The following LAP3 variants were observed in gnomAD, a reference collection of about 807,000 sequenced individuals.
The protein encoded by LAP3 is cytosol aminopeptidase.
A neutral mutation model predicts 58.8 loss-of-function variants in LAP3; 46 were observed. The observed-to-expected ratio is 0.78, with a 90% CI of 0.62 to 1.00. The LOEUF is 1.00. Ranked by LOEUF, LAP3 falls within the 50% of genes least tolerant of loss-of-function variation. The pLI, the probability that LAP3 is intolerant of heterozygous loss-of-function variation, is 0.00. For missense variants in LAP3, 615 were observed against 659.1 expected (o/e 0.93, Z 0.73); for synonymous variants, 257 against 237.7 (o/e 1.08, Z -0.75).
In LAP3 at chr4:17,580,165, CATATAT is replaced by C. The variant is rs372439585; in HGVS notation, c.218+237_218+242del. The stretch of plus-strand genomic sequence containing the variant: ...GGCATGCCTCACCACTCCCGGCTTT[CATATAT>C]ATATATATATGTATTTTTTTTTTTT... On this transcript the variant is annotated intron_variant, in intron 2 of 12. Transcript: ENST00000226299. Among the ~76,000 whole-genome samples the C allele has an allele frequency of 9.6e-4, 44 of 45,994 alleles. 6 individuals carry two copies. Among genetic ancestry groups the C allele is most frequent in the African/African-American group, 5.6e-3 (44 of 7,832 alleles). 30.2% of individuals were successfully genotyped at this position (45,994 alleles called of 152,430 possible).
At chr4:17,597,182 A>G (rs758584078) in intron 9 of LAP3, 48 bp downstream of exon 9, 3 of 1,497,426 alleles carry the variant, frequency 2.0e-6, no homozygotes, top group African/African-American at 2.8e-5. Context: ...TTCCTCAGGA[A>G]TCCCGTGGTG....
At chr4:17,585,162 C>T (rs758849620) in intron 6 of LAP3, 26 bp downstream of exon 6, 46 of 1,586,552 alleles carry the variant, frequency 2.9e-5, no homozygotes, top group African/African-American at 1.9e-4. Context: ...GTCACAGACT[C>T]GAGATGTTAC....
intron 10 of LAP3, 39 bp downstream of exon 10, chr4:17,598,597 G>C (rs1171672938): frequency 3.5e-6 from 5 of 1,427,226 alleles, no homozygotes; most frequent in South Asian, 1.1e-5. Context: ...TTTGAAGGAA[G>C]TCTTGTTCGT....
intron 3 of LAP3, 152 bp downstream of exon 3, chr4:17,581,966 T>A (rs1008512332): frequency 2.3e-5 from 16 of 692,562 alleles, no homozygotes; most frequent in Non-Finnish European, 3.4e-5. Context: ...AGAGGCGATT[T>A]GCTGTCAAAA....
At chr4:17,577,652 T>G in intron 1 of LAP3, 85 bp downstream of exon 1, 1 of 1,075,350 alleles carries the variant, frequency 9.3e-7, no homozygotes, top group Non-Finnish European at 1.3e-6. Context: ...GAAGCCGCGG[T>G]GTCCTGGGCG....
At chr4:17,603,573 C>T (rs955691045) in intron 10 of LAP3, among the ~76,000 whole-genome samples, 7 of 150,820 alleles carry the variant, frequency 4.6e-5, no homozygotes, top group African/African-American at 9.8e-5. Context: ...GGTGCAATCT[C>T]GGCTCTCACC....
rs1398040586 is a variant in LAP3 at position 17,583,505 on chromosome 4, C to A, written c.402C>A (p.Asp134Glu). ...AAGCGGGGTGCAGGCAGATTCAAGACCTGGAGCTCTCGTCTGTGGAGGTGG... is the reference window on the plus strand; with the variant it reads ...AAGCGGGGTGCAGGCAGATTCAAGAACTGGAGCTCTCGTCTGTGGAGGTGG... ...AVAAGCRQIQ[D>E]LELSSVEVDP... is the part of the protein sequence containing the mutation. Residue 134 changes from aspartate (D) to glutamate (E), a missense_variant, in exon 5 of 13, where the codon GAC becomes GAA. Physicochemically the swap from Asp to Glu is conservative, Grantham distance 45. Transcript: ENST00000226299. 1 of 1,613,986 alleles carries A rather than the reference C, an allele frequency of 6.2e-7. No individual in the cohort carries two copies. The highest frequency in any genetic ancestry group is 8.5e-7 in the Non-Finnish European group (1 of 1,180,024).
At chr4:17,592,291 G>A (rs986388511) in intron 7 of LAP3, among the ~76,000 whole-genome samples, 4 of 152,080 alleles carry the variant, frequency 2.6e-5, no homozygotes, top group Non-Finnish European at 5.9e-5. Context: ...TATTACTGCA[G>A]ATTAGTTTTG....
In LAP3 at chr4:17,604,663, T is replaced by A; in HGVS notation, c.1256T>A (p.Phe419Tyr). The A allele has an allele frequency of 6.2e-7, 1 of 1,605,546 alleles. No individual in the cohort carries two copies. The highest frequency in any genetic ancestry group is 8.5e-7 in the Non-Finnish European group (1 of 1,172,218). Residue 419 changes from phenylalanine (F) to tyrosine (Y), a missense_variant, in exon 11 of 13, where the codon TTC (phenylalanine) becomes TAC (tyrosine). Phe to Tyr is a conservative substitution (Grantham distance 22). Coordinates refer to ENST00000226299, the MANE Select transcript of LAP3 (RefSeq NM_015907.3). ...TNSSWLWNKL[F>Y]EASIETGDRV... ...TCATCCTGGCTCTGGAACAAACTCT[T>A]CGAGGTAGGAATAATATTTGTATAT...
At chr4:17,582,002 A>T (rs775486254) in intron 3 of LAP3, 188 bp downstream of exon 3, 16 of 604,138 alleles carry the variant, frequency 2.6e-5, no homozygotes, top group Non-Finnish European at 4.7e-5. Flanking sequence ...ATATTCCTCA[A>T]TCTGAAGGCT....
intron 1 of LAP3, among the ~76,000 whole-genome samples, chr4:17,577,815 C>T (rs943690189): frequency 6.6e-6 from 1 of 152,366 alleles, no homozygotes; most frequent in East Asian, 1.9e-4. Context: ...TTACCCGGCT[C>T]CACTCGGCCG....
chr4:17,588,055 G>A (rs539648041), intron 6 of LAP3, among the ~76,000 whole-genome samples: 97 of 151,848 alleles, frequency 6.4e-4, no homozygotes, highest in Non-Finnish European at 1.3e-3. Context: ...AAGAGACAGG[G>A]TGTTGCTATG....
In LAP3 at chr4:17,595,488, A is replaced by C. The variant is rs773644273; in HGVS notation, c.942A>C (p.Ser314=). ...ADMGGAATIC[S]AIVSAAKLNL... ...TGGGAGGAGCTGCAACTATATGCTC[A>C]GCCATCGTGTCTGCTGCAAAGCTTA... Residue 314 remains serine (S), a synonymous_variant, in exon 8 of 13, where the codon TCA becomes TCC. Transcript: ENST00000226299. 4 of 1,614,070 alleles carry C rather than the reference A, an allele frequency of 2.5e-6. No homozygotes were observed. The Admixed American group carries it at 6.7e-5, about 27-fold the overall frequency.
chr4:17,590,127 G>A (rs759154318), intron 7 of LAP3, among the ~76,000 whole-genome samples: 11 of 152,124 alleles, frequency 7.2e-5, no homozygotes, highest in Non-Finnish European at 1.3e-4. Flanking sequence ...AAACCCATGA[G>A]GGGTTTCATT....
chr4:17,607,636 G>T lies in LAP3; in HGVS notation c.*47G>T, dbSNP rs368134525. 6.6e-4 allele frequency: 915 copies of T among 1,381,210 alleles called. 7 individuals are homozygous for T. Among genetic ancestry groups the T allele is most frequent in the South Asian group, 1.9e-3 (124 of 64,252 alleles). The allele number at this position is 1,381,210 out of a possible 1,614,324, so 85.6% of individuals were successfully genotyped here. On this transcript the variant is annotated 3_prime_UTR_variant, in exon 13 of 13. Coordinates refer to ENST00000226299, the MANE Select transcript of LAP3 (RefSeq NM_015907.3). ...TCACTCTGTCTTAAATTGGACAGTT[G>T]AACTTAAAAGGTTTTTGAATAAATG...
At chr4:17,579,098 G>A (rs1351840863) in intron 1 of LAP3, among the ~76,000 whole-genome samples, 7 of 152,212 alleles carry the variant, frequency 4.6e-5, no homozygotes, top group Admixed American at 3.3e-4. Flanking sequence ...AAGACCTGAA[G>A]AAGCGTTGGG....
At chr4:17,594,664 A>G (rs1055996052) in intron 7 of LAP3, among the ~76,000 whole-genome samples, 7 of 152,128 alleles carry the variant, frequency 4.6e-5, no homozygotes, top group African/African-American at 1.7e-4. Flanking sequence ...TCTCATGTTG[A>G]AGTACTGTCT....
rs141652652 is a variant in LAP3, at chr4:17,589,565, T to C, written c.863+588T>C. ...ACCATGACTCAGAGTTTAAATAATT[T>C]GTTCAAAGTCCTATAACTAGTAAGT... On this transcript the variant is annotated intron_variant, in intron 7 of 12. Coordinates refer to ENST00000226299, the MANE Select transcript of LAP3 (RefSeq NM_015907.3). Among the ~76,000 whole-genome samples the C allele has an allele frequency of 3.7e-4, 57 of 152,320 alleles. 1 individual carries two copies. In the East Asian group the frequency reaches 8.3e-3, roughly 22 times the overall value.
intron 10 of LAP3, among the ~76,000 whole-genome samples, chr4:17,604,217 A>G (rs924473324): frequency 6.8e-6 from 1 of 148,090 alleles, no homozygotes; most frequent in Non-Finnish European, 1.5e-5. Flanking sequence ...GGCTGCATAC[A>G]GTGAGCTCTG....
Sources: allele counts gnomAD v4.1 joint callset (sites outside exome capture counted in the v4.1 genomes callset), GRCh38; gene constraint gnomAD v4.1.1; transcripts MANE v1.5; gene names NCBI Gene and HGNC (gene_info 2026-07-23, HGNC 2026-07-21).